ANKRD18B: variants seen among roughly 807,000 people sequenced by gnomAD.
The protein encoded by ANKRD18B is ankyrin repeat domain 18B.
ANKRD18B carries 75 observed loss-of-function variants against 111.8 expected under a neutral mutation model. That is an observed-to-expected ratio of 0.67 (90% CI 0.56 to 0.81). ANKRD18B has a LOEUF of 0.81. Ranked by LOEUF, ANKRD18B falls within the 40% of genes least tolerant of loss-of-function variation. The pLI is 0.00. For synonymous variants in ANKRD18B, 356 were observed against 417.3 expected (o/e 0.85, Z 1.79); for missense variants, 1,038 against 1,225.5 (o/e 0.85, Z 2.28).
intron 12 of ANKRD18B, among the ~76,000 whole-genome samples, chr9:33,551,492 T>TA (rs1828445833): frequency 6.6e-6 from 1 of 152,200 alleles, no homozygotes; most frequent in African/African-American, 2.4e-5. Context: ...TTTAAATACA[T>TA]AGAGTCATAC....
Position 33,566,253 on chromosome 9 carries a change from C to T in ANKRD18B, c.2495C>T (p.Ser832Phe). 1.3e-6 allele frequency: 2 copies of T among 1,559,060 alleles called. No homozygotes were observed. The highest frequency in any genetic ancestry group is 1.7e-6 in the Non-Finnish European group (2 of 1,149,670). ...CTTATGGCCGAGAAGGAAGCTGTAT[C>T]TTCAAAATGTGTCAATTTGGCCAAA... ...DDLMAEKEAV[S>F]SKCVNLAKDN... The change falls in exon 15 of 19, where the codon TCT (serine) becomes TTT (phenylalanine). Residue 832 changes from serine (S) to phenylalanine (F), a missense_variant. Ser to Phe is a radical substitution (Grantham distance 155). Around this residue, in one of 4 missense-constraint regions of ANKRD18B, gnomAD observed 524 missense variants for 677.9 expected, o/e 0.77. Transcript: ENST00000684830.
At chr9:33,536,202 T>C (rs1167702819) in intron 5 of ANKRD18B, among the ~76,000 whole-genome samples, 1 of 152,174 alleles carries the variant, frequency 6.6e-6, no homozygotes, top group East Asian at 1.9e-4. Flanking sequence ...TTAGAGTATA[T>C]GTTTTAATGA....
chr9:33,564,445 T>G (rs1828656052), intron 14 of ANKRD18B, among the ~76,000 whole-genome samples: 1 of 152,234 alleles, frequency 6.6e-6, no homozygotes, highest in Non-Finnish European at 1.5e-5. Context: ...ATTCATTTGT[T>G]GATGGACATG....
At chr9:33,546,882 A>T (rs1469745083) in intron 10 of ANKRD18B, among the ~76,000 whole-genome samples, 1 of 152,108 alleles carries the variant, frequency 6.6e-6, no homozygotes, top group Non-Finnish European at 1.5e-5. Context: ...TTGAATGTAC[A>T]TTTGAGGAAC....
At chr9:33,567,500 C>T in intron 16 of ANKRD18B, among the ~76,000 whole-genome samples, 186 bp downstream of exon 16, 1 of 151,914 alleles carries the variant, frequency 6.6e-6, no homozygotes, top group African/African-American at 2.4e-5. Context: ...TAGTTTCTGT[C>T]TCTCTTCTCT....
At chr9:33,547,565 A>G (rs1431211417) in intron 10 of ANKRD18B, among the ~76,000 whole-genome samples, 1 of 151,974 alleles carries the variant, frequency 6.6e-6, no homozygotes, top group Non-Finnish European at 1.5e-5. Flanking sequence ...GTATAAATGC[A>G]ATTTCCTTTT....
Position 33,548,269 on chromosome 9 carries a change from A to C in ANKRD18B, c.1481A>C (p.His494Pro). The C allele has an allele frequency of 6.4e-7, 1 of 1,551,258 alleles. No individual in the cohort carries two copies. Among genetic ancestry groups the C allele is most frequent in the Non-Finnish European group, 8.7e-7 (1 of 1,146,694 alleles). Residue 494 changes from histidine (H) to proline (P), a missense_variant, in exon 11 of 19, where the codon CAT (histidine) becomes CCT (proline). Physicochemically the swap from His to Pro is moderately conservative, Grantham distance 77. Coordinates refer to ENST00000684830, the MANE Select transcript of ANKRD18B (RefSeq NM_001393611.1). ...CTAGAAGCTGAAGTTGAATCCCTCC[A>C]TTCTAACTTGGCCACTGCTATAAAT... ...ERLEAEVESL[H>P]SNLATAINEY...
At position 33,569,766 on chromosome 9, in the gene ANKRD18B, G is replaced by A. The variant is rs541346686; in HGVS notation, c.3177+873G>A. Among the ~76,000 whole-genome samples, 236 of 152,174 alleles carry A rather than the reference G, an allele frequency of 1.6e-3. 1 individual carries two copies. Among genetic ancestry groups the A allele is most frequent in the African/African-American group, 5.0e-3 (207 of 41,522 alleles). The stretch of plus-strand genomic sequence containing the variant: ...CCTTTGTGCTTGGCCAGGTGTGGTG[G>A]CTCACGCCTGTAATCCCAGCATTTT... On this transcript the variant is annotated intron_variant, in intron 17 of 18. Transcript: ENST00000684830.
At chr9:33,566,987 T>C (rs1828694981) in intron 15 of ANKRD18B, 116 bp from the exon 16 acceptor site, 1 of 982,598 alleles carries the variant, frequency 1.0e-6, no homozygotes, top group Non-Finnish European at 1.5e-6. Flanking sequence ...AGCTTCAGCC[T>C]CTTTTTAACA....
rs1224121862 is a variant in ANKRD18B at position 33,529,066 on chromosome 9, A to G, written c.388A>G (p.Lys130Glu). 11 of 1,612,188 alleles carry G rather than the reference A, an allele frequency of 6.8e-6. No individual in the cohort carries two copies. Among genetic ancestry groups the G allele is most frequent in the South Asian group, 5.5e-5 (5 of 90,990 alleles). Residue 130 changes from lysine to glutamate, a missense_variant, in exon 3 of 19, where the codon AAG becomes GAG. Transcript: ENST00000684830. The stretch of plus-strand genomic sequence containing the variant: ...GAAACGTGGCGCCAATCCAAACATT[A>G]AGGATATCTACGGCAACACTGCTCT... ...LLKRGANPNI[K>E]DIYGNTALHY...
At chr9:33,561,483 G>A (rs1473158784) in intron 14 of ANKRD18B, among the ~76,000 whole-genome samples, 1 of 152,112 alleles carries the variant, frequency 6.6e-6, no homozygotes, top group Non-Finnish European at 1.5e-5. Flanking sequence ...TCTACTCAGT[G>A]TCTTACCTTT....
chr9:33,571,460 T>G (rs1266132894), intron 18 of ANKRD18B, 169 bp downstream of exon 18: 1 of 188,510 alleles, frequency 5.3e-6, no homozygotes, highest in East Asian at 1.7e-4. Flanking sequence ...CAGTGAAGAG[T>G]ATACTTATGC....
At chr9:33,533,378 T>G in intron 3 of ANKRD18B, 61 bp from the exon 4 acceptor site, 3 of 1,499,798 alleles carry the variant, frequency 2.0e-6, no homozygotes, top group Non-Finnish European at 2.7e-6. Flanking sequence ...ATAGAAGATT[T>G]TTAGTTCAGT....
At chr9:33,559,289 AG>A (rs1163038225) in intron 14 of ANKRD18B, among the ~76,000 whole-genome samples, 1 of 152,212 alleles carries the variant, frequency 6.6e-6, no homozygotes, top group African/African-American at 2.4e-5. Flanking sequence ...GACTTCTTAC[AG>A]ATGCAAATTC....
chr9:33,563,202 C>T (rs191475260), intron 14 of ANKRD18B, among the ~76,000 whole-genome samples: 3,845 of 152,194 alleles, frequency 0.025, 74 homozygotes, highest in Admixed American at 0.033. Flanking sequence ...TAAGTTGTTT[C>T]CTGTTGTCTC....
At chr9:33,574,966 G>T (rs574151463), downstream of ANKRD18B, among the ~76,000 whole-genome samples, 110 of 152,262 alleles carry the variant, frequency 7.2e-4, no homozygotes, top group South Asian at 1.7e-3. Flanking sequence ...GTGAAGGATT[G>T]TTTTCTAGGT....
At chr9:33,531,571 G>A (rs908957589) in intron 3 of ANKRD18B, among the ~76,000 whole-genome samples, 57 of 150,490 alleles carry the variant, frequency 3.8e-4, no homozygotes, top group African/African-American at 1.3e-3. Context: ...CTGGGTAGGA[G>A]GCACATATTC....
chr9:33,575,307 T>A (rs1828846348), downstream of ANKRD18B, among the ~76,000 whole-genome samples: 1 of 150,628 alleles, frequency 6.6e-6, no homozygotes, highest in Non-Finnish European at 1.5e-5. Context: ...GGTGCCTGCA[T>A]CTGACCCCCC....
rs1326637933 is a variant in ANKRD18B at position 33,536,188 on chromosome 9, A to G, written c.741-690A>G. ...TGATTGATGAGCTCAGTAACAGGGG[A>G]CAATTAGAGTATATGTTTTAATGAG... On this transcript the variant is annotated intron_variant, in intron 5 of 18. Coordinates refer to ENST00000684830, the MANE Select transcript of ANKRD18B (RefSeq NM_001393611.1). Among the ~76,000 whole-genome samples, 3 of 152,104 alleles carry G rather than the reference A, an allele frequency of 2.0e-5. No homozygotes were observed. The East Asian group carries it at 5.8e-4, about 29-fold the overall frequency.
Sources: gnomAD v4.1 joint callset for allele counts (sites outside exome capture counted in the v4.1 genomes callset) on GRCh38, gnomAD v4.1.1 for gene constraint, gnomAD v4.1.1 regional missense constraint, MANE v1.5 for transcripts, NCBI Gene and HGNC (gene_info 2026-07-23, HGNC 2026-07-21) for gene names.